The following TRMT11 variants were observed in gnomAD, a reference collection of about 807,000 sequenced individuals.
TRMT11 encodes the protein tRNA methyltransferase 11, also known as tRNA (guanine(10)-N(2))-methyltransferase TRMT11.
A neutral mutation model predicts 62.8 loss-of-function variants in TRMT11; 53 were observed. That is an observed-to-expected ratio of 0.84 (90% CI 0.68 to 1.06). TRMT11 has a LOEUF of 1.06. Ranked by LOEUF, TRMT11 falls within the 50% of genes least tolerant of loss-of-function variation. The probability of loss-of-function intolerance (pLI) is 0.00; values close to 1 mark genes in which losing one functional copy is unlikely to be tolerated. For synonymous variants in TRMT11, 188 were observed against 190.3 expected (o/e 0.99, Z 0.10); for missense variants, 556 against 553.4 (o/e 1.00, Z -0.05).
intron 1 of TRMT11, among the ~76,000 whole-genome samples, chr6:126,180,257 A>G (rs1047040914): frequency 1.3e-5 from 2 of 152,230 alleles, no homozygotes; most frequent in African/African-American, 4.8e-5. Flanking sequence ...TTTTAAAAAT[A>G]TACCTGAGTA....
At chr6:126,198,351 A>G (rs1001118573) in intron 1 of TRMT11, among the ~76,000 whole-genome samples, 13 of 152,224 alleles carry the variant, frequency 8.5e-5, no homozygotes, top group African/African-American at 3.1e-4. Flanking sequence ...TTATTCTTGT[A>G]TAGAATATAT....
At chr6:126,101,592 A>T (rs1001161145) in intron 17 of TRMT11, among the ~76,000 whole-genome samples, 1 of 152,230 alleles carries the variant, frequency 6.6e-6, no homozygotes, top group African/African-American at 2.4e-5. Flanking sequence ...TTCTTAAAAT[A>T]AATCAACTCA....
chr6:126,225,685 A>ATTTTTTT, the TRMT11 span, among the ~76,000 whole-genome samples: 10 of 95,294 alleles, frequency 1.0e-4, no homozygotes, highest in African/African-American at 3.1e-4. Flanking sequence ...TATGTTTACT[A>ATTTTTTT]TTTTTTTTTT....
At chr6:126,245,592 A>C in the TRMT11 span, among the ~76,000 whole-genome samples, 1 of 152,264 alleles carries the variant, frequency 6.6e-6, no homozygotes. Context: ...GTAGCCAATT[A>C]GGTAAGTGAA....
At chr6:126,172,859 AT>A (rs1266095410), upstream of TRMT11, among the ~76,000 whole-genome samples, 1 of 152,202 alleles carries the variant, frequency 6.6e-6, no homozygotes, top group Non-Finnish European at 1.5e-5. Context: ...AAGGAGGCAT[AT>A]AGATGAGGTG....
chr6:126,188,404 G>A (rs1298190344), intron 1 of TRMT11, among the ~76,000 whole-genome samples: 1 of 151,946 alleles, frequency 6.6e-6, no homozygotes, highest in Non-Finnish European at 1.5e-5. Flanking sequence ...TAGTACTCAA[G>A]AAAATGCAAT....
intron 12 of TRMT11, among the ~76,000 whole-genome samples, chr6:126,038,276 G>A (rs1775542736): frequency 6.6e-6 from 1 of 151,844 alleles, no homozygotes; most frequent in Admixed American, 6.6e-5. Context: ...TCACACAAAT[G>A]CATTATTTTG....
intron 17 of TRMT11, among the ~76,000 whole-genome samples, chr6:126,070,598 C>T (rs963182395): frequency 6.6e-6 from 1 of 152,138 alleles, no homozygotes; most frequent in South Asian, 2.1e-4. Flanking sequence ...TTTTCTTCTG[C>T]CTTTCTTTCA....
chr6:126,114,200 C>T (rs569268437), intron 18 of TRMT11, among the ~76,000 whole-genome samples: 1 of 151,986 alleles, frequency 6.6e-6, no homozygotes, highest in African/African-American at 2.4e-5. Context: ...CTGATGAAAA[C>T]GTATTTCTTA....
At chr6:126,100,168 G>A (rs528024630) in intron 17 of TRMT11, among the ~76,000 whole-genome samples, 11 of 152,286 alleles carry the variant, frequency 7.2e-5, no homozygotes, top group Admixed American at 2.0e-4. Flanking sequence ...GGAAGGAGAC[G>A]TGGAGGACCA....
intron 21 of TRMT11, among the ~76,000 whole-genome samples, chr6:126,157,971 T>C (rs181818476): frequency 2.1e-4 from 32 of 152,260 alleles, no homozygotes; most frequent in African/African-American, 7.5e-4. Flanking sequence ...CTAGATCAAA[T>C]AGAACTTTGT....
chr6:126,147,307 A>G (rs147298298), intron 21 of TRMT11, among the ~76,000 whole-genome samples: 1 of 152,116 alleles, frequency 6.6e-6, no homozygotes, highest in African/African-American at 2.4e-5. Context: ...TTTAGCTGTT[A>G]CCTGTGCCAA....
At chr6:126,176,473 G>A (rs944732323), upstream of TRMT11, among the ~76,000 whole-genome samples, 1 of 152,118 alleles carries the variant, frequency 6.6e-6, no homozygotes, top group Non-Finnish European at 1.5e-5. Context: ...GAGGTGGTGG[G>A]TTATCTTGTC....
the TRMT11 span, among the ~76,000 whole-genome samples, chr6:126,238,231 GTTAT>G: frequency 6.6e-6 from 1 of 152,134 alleles, no homozygotes. Flanking sequence ...GCTAATCTTA[GTTAT>G]TTCTTGCTTT....
At chr6:126,092,160 A>C (rs1342333727) in intron 17 of TRMT11, among the ~76,000 whole-genome samples, 1 of 152,212 alleles carries the variant, frequency 6.6e-6, no homozygotes, top group Non-Finnish European at 1.5e-5. Context: ...AATTACGATG[A>C]CTTATAGTGG....
At chr6:126,255,956 G>A in the TRMT11 span, among the ~76,000 whole-genome samples, 25 of 152,298 alleles carry the variant, frequency 1.6e-4, no homozygotes, top group African/African-American at 4.6e-4. Flanking sequence ...GTTCCTGTGA[G>A]TCGAATTTGG....
intron 1 of TRMT11, among the ~76,000 whole-genome samples, chr6:126,192,657 G>A (rs1778616791): frequency 6.6e-6 from 1 of 152,116 alleles, no homozygotes; most frequent in African/African-American, 2.4e-5. Flanking sequence ...GTAAAGGGAT[G>A]TTGAGTTTTA....
intron 21 of TRMT11, among the ~76,000 whole-genome samples, chr6:126,118,661 C>T (rs1030069511): frequency 4.6e-5 from 7 of 151,942 alleles, no homozygotes; most frequent in East Asian, 1.9e-4. Context: ...CAATTACATT[C>T]GGCTTGAATG....
intron 1 of TRMT11, among the ~76,000 whole-genome samples, chr6:126,190,951 A>G (rs1350135075): frequency 2.0e-5 from 3 of 152,132 alleles, no homozygotes; most frequent in Non-Finnish European, 4.4e-5. Context: ...TCTTTTGAAT[A>G]TATACCTAGC....
Sources: allele counts gnomAD v4.1 joint callset (sites outside exome capture counted in the v4.1 genomes callset), GRCh38; gene constraint gnomAD v4.1.1; transcripts MANE v1.5; gene names NCBI Gene and HGNC (gene_info 2026-07-23, HGNC 2026-07-21).